Variants in TNC observed in about 807,000 individuals in gnomAD.
TNC encodes the protein tenascin C, also known as tenascin.
TNC carries 109 observed loss-of-function variants against 202.4 expected under a neutral mutation model. The ratio of observed to expected loss-of-function variants is 0.54; its 90% CI spans 0.46 to 0.63. TNC has a LOEUF of 0.63. Among genes scored for constraint, TNC ranks in the 30% least tolerant of loss-of-function variants. TNC has a pLI of 0.00. For synonymous variants in TNC, 1,007 were observed against 1,089.7 expected (o/e 0.92, Z 1.50); for missense variants, 2,756 against 2,833.3 (o/e 0.97, Z 0.62).
chr9:115,051,451 G>A (rs1426147566), intron 15 of TNC, among the ~76,000 whole-genome samples: 1 of 151,894 alleles, frequency 6.6e-6, no homozygotes, highest in Non-Finnish European at 1.5e-5. Context: ...ACCCCAATCA[G>A]TGATGGCAAT....
intron 25 of TNC, among the ~76,000 whole-genome samples, chr9:115,027,828 A>G (rs549129983): frequency 4.0e-4 from 61 of 152,218 alleles, no homozygotes; most frequent in African/African-American, 1.3e-3. Flanking sequence ...TCAACTGTTC[A>G]TTGGTTAGAC....
Position 115,047,692 on chromosome 9 carries a change from G to A in TNC, c.4852+568C>T, listed in dbSNP as rs549987138. 1.4e-4 allele frequency among the ~76,000 whole-genome samples: 22 copies of A among 152,270 alleles called. No individual in the cohort carries two copies. In the South Asian group the frequency reaches 4.2e-3, roughly 29 times the overall value. ...TAGAAAGACTTTGGGAAACACAGAT[G>A]TTTGACTATTCCGTTGTTAATTTCT... On this transcript the variant is annotated intron_variant, in intron 16 of 27. Coordinates refer to ENST00000350763, the MANE Select transcript of TNC (RefSeq NM_002160.4).
intron 24 of TNC, 92 bp from the exon 25 acceptor site, chr9:115,029,548 A>T (rs1223647567): frequency 8.0e-7 from 1 of 1,251,198 alleles, no homozygotes; most frequent in East Asian, 2.3e-5. Context: ...CTGTGGAGAG[A>T]GCATCAGGCT....
chr9:115,107,245 G>A (rs1198176080), intron 1 of TNC, among the ~76,000 whole-genome samples: 1 of 152,110 alleles, frequency 6.6e-6, no homozygotes, highest in East Asian at 1.9e-4. Flanking sequence ...TTTGCAGTTA[G>A]ATGATTTCAG....
intron 19 of TNC, among the ~76,000 whole-genome samples, chr9:115,040,692 T>A (rs1830662741): frequency 6.6e-6 from 1 of 152,078 alleles, no homozygotes; most frequent in Non-Finnish European, 1.5e-5. Context: ...TTCACAATAG[T>A]CCAGGAAATG....
At chr9:115,093,153 A>G (rs1835360912) in intron 1 of TNC, among the ~76,000 whole-genome samples, 2 of 152,162 alleles carry the variant, frequency 1.3e-5, no homozygotes, top group African/African-American at 4.8e-5. Flanking sequence ...GGAAAATTGA[A>G]CTGGGAAGCA....
chr9:115,087,318 A>T (rs1232792112), intron 2 of TNC, 45 bp from the exon 3 acceptor site: 5 of 1,590,182 alleles, frequency 3.1e-6, no homozygotes, highest in South Asian at 1.1e-5. Context: ...TTAAGCAGCC[A>T]CATTTTTCTG....
chr9:115,076,520 G>A lies in TNC; in HGVS notation c.2730C>T (p.Thr910=), dbSNP rs201772610. ...RRVSQTDNSI[T]LEWRNGKAAI... The stretch of plus-strand genomic sequence containing the variant: ...CTGCCTTGCCATTCCTCCATTCCAG[G>A]GTGATGCTGTTATCTGTCTGGGAAA... Residue 910 remains threonine (T), a synonymous_variant, in exon 8 of 28, where the codon ACC becomes ACT. Coordinates refer to ENST00000350763, the MANE Select transcript of TNC (RefSeq NM_002160.4). The A allele has an allele frequency of 3.0e-5, 49 of 1,614,192 alleles. No homozygotes were observed. The South Asian group carries it at 4.9e-4, about 16-fold the overall frequency.
chr9:115,101,172 A>G (rs1002635131), intron 1 of TNC, among the ~76,000 whole-genome samples: 3 of 152,212 alleles, frequency 2.0e-5, no homozygotes, highest in Non-Finnish European at 4.4e-5. Flanking sequence ...GTTCTGTATA[A>G]TCGCAAAGCT....
At chr9:115,111,399 C>CTCTCTTTTTTTTTTTTTTTTTTTTTTT (rs1174066886) in intron 1 of TNC, among the ~76,000 whole-genome samples, 1 of 71,360 alleles carries the variant, frequency 1.4e-5, no homozygotes, top group Non-Finnish European at 2.4e-5. Flanking sequence ...CTCTCTCTCT[C>CTCTCTTTTTTTTTTTTTTTTTTTTTTT]TTTTTTTTTT....
At chr9:115,115,244 T>C (rs1837378667) in intron 1 of TNC, 1 of 152,276 alleles carries the variant, frequency 6.6e-6, no homozygotes. Flanking sequence ...ATCAGGCTAC[T>C]GCTGTATTTA....
chr9:115,087,926 A>G (rs1351449342), intron 2 of TNC, among the ~76,000 whole-genome samples: 1 of 151,992 alleles, frequency 6.6e-6, no homozygotes, highest in Non-Finnish European at 1.5e-5. Flanking sequence ...GATGGTCTCA[A>G]TATCCTGACC....
intron 26 of TNC, among the ~76,000 whole-genome samples, chr9:115,024,584 C>T (rs892737269): frequency 1.3e-5 from 2 of 152,124 alleles, no homozygotes; most frequent in African/African-American, 4.8e-5. Context: ...TATGACTTTT[C>T]TGCATTCCCT....
At chr9:115,040,844 T>G in intron 19 of TNC, 97 bp downstream of exon 19, 2,108 of 1,431,832 alleles carry the variant, frequency 1.5e-3, no homozygotes, top group Non-Finnish European at 1.8e-3. Flanking sequence ...TGCTGAGTCA[T>G]GAGCTACAAG....
At chr9:115,027,470 A>G (rs1250796546) in intron 25 of TNC, among the ~76,000 whole-genome samples, 2 of 151,358 alleles carry the variant, frequency 1.3e-5, no homozygotes, top group Non-Finnish European at 3.0e-5. Context: ...GGTGCCTGTA[A>G]TCTCAGCTAC....
chr9:115,114,440 T>C (rs1339338952), intron 1 of TNC, among the ~76,000 whole-genome samples: 1 of 152,344 alleles, frequency 6.6e-6, no homozygotes, highest in Non-Finnish European at 1.5e-5. Flanking sequence ...TTTTCTGAGA[T>C]GAAAATCAGC....
chr9:115,082,108 T>C (rs1329887792), intron 5 of TNC, among the ~76,000 whole-genome samples, 180 bp from the exon 6 acceptor site: 1 of 152,262 alleles, frequency 6.6e-6, no homozygotes, highest in Non-Finnish European at 1.5e-5. Context: ...AAGACATTTC[T>C]CTAGTTTGTT....
chr9:115,020,638 A>G lies in TNC; in HGVS notation c.*519T>C, dbSNP rs1363839125. 1 of 364,678 alleles carries G rather than the reference A, an allele frequency of 2.7e-6. No individual in the cohort carries two copies. Among genetic ancestry groups the G allele is most frequent in the Non-Finnish European group, 5.4e-6 (1 of 184,102 alleles). The allele number at this position is 364,678 out of a possible 1,614,324, so 22.6% of individuals were successfully genotyped here. ...TGAAAAATCCTTAGTTTTCATCATCATCATCATCATTATTATATTAATAAT... is the reference window on the plus strand; with the variant it reads ...TGAAAAATCCTTAGTTTTCATCATCGTCATCATCATTATTATATTAATAAT... On this transcript the variant is annotated 3_prime_UTR_variant, in exon 28 of 28. Transcript: ENST00000350763.
chr9:115,056,586 T>TC (rs2132425311), intron 15 of TNC, among the ~76,000 whole-genome samples: 1 of 152,322 alleles, frequency 6.6e-6, no homozygotes, highest in East Asian at 1.9e-4. Context: ...CTTCTAGAGG[T>TC]GGTGTTGGAA....
Sources: gnomAD v4.1 joint callset for allele counts (sites outside exome capture counted in the v4.1 genomes callset) on GRCh38, gnomAD v4.1.1 for gene constraint, MANE v1.5 for transcripts, NCBI Gene and HGNC (gene_info 2026-07-23, HGNC 2026-07-21) for gene names.